Variants in TACR1 observed in about 807,000 individuals in gnomAD.
TACR1 encodes tachykinin receptor 1.
In TACR1, 25 loss-of-function variants were observed where a neutral mutation model predicts 35.8. That is an observed-to-expected ratio of 0.70 (90% confidence interval 0.51 to 0.98). The LOEUF (loss-of-function observed/expected upper bound fraction) is 0.98. TACR1 is among the 50% of genes least tolerant of loss of function. The probability of loss-of-function intolerance (pLI) is 0.00; values close to 1 mark genes in which losing one functional copy is unlikely to be tolerated. For synonymous variants in TACR1, 195 were observed against 206.7 expected (o/e 0.94, Z 0.48); for missense variants, 478 against 522.9 (o/e 0.91, Z 0.84).
At chr2:75,187,128 C>T (rs1675726979) in intron 1 of TACR1, 1 of 152,210 alleles carries the variant, frequency 6.6e-6, no homozygotes. Flanking sequence ...GCCCTGCTGC[C>T]CTTAACCCCA....
rs199793484 is a variant in TACR1, at chr2:75,120,634, G to C, written c.524C>G (p.Pro175Arg). The change falls in exon 2 of 5, where the codon CCC (proline) becomes CGC (arginine). Residue 175 changes from proline (P) to arginine (R), a missense_variant. Transcript: ENST00000305249. ...QGYYSTTETM[P>R]SRVVCMIEWP... ...TTCGATCATGCACACGACTCTGCTGGGCATGGTCTCTGTGGTTGAGTAGTA... is the reference window on the plus strand; with the variant it reads ...TTCGATCATGCACACGACTCTGCTGCGCATGGTCTCTGTGGTTGAGTAGTA... The C allele has an allele frequency of 6.2e-7, 1 of 1,613,960 alleles. No homozygotes were observed. Among genetic ancestry groups the C allele is most frequent in the Non-Finnish European group, 8.5e-7 (1 of 1,179,946 alleles).
At chr2:75,064,316 A>G (rs1672726679) in intron 2 of TACR1, among the ~76,000 whole-genome samples, 1 of 152,176 alleles carries the variant, frequency 6.6e-6, no homozygotes, top group Admixed American at 6.5e-5. Flanking sequence ...AACTGGGTAG[A>G]TACGTTAAGA....
intron 2 of TACR1, among the ~76,000 whole-genome samples, chr2:75,081,890 C>A (rs1393973562): frequency 6.6e-6 from 1 of 150,428 alleles, no homozygotes; most frequent in African/African-American, 2.5e-5. Context: ...AGGGAGAAAC[C>A]AACATTTCTT....
rs375756445 is a variant in TACR1, at chr2:75,198,979, C to T, written c.-45G>A. Reference sequence around the variant, plus strand: ...GCCCTACTATCTGTACACAACCCCCCTCTGCAGCAGAGTCCTGTGGCTGGC... The same window carrying T: ...GCCCTACTATCTGTACACAACCCCCTTCTGCAGCAGAGTCCTGTGGCTGGC... On this transcript the variant is annotated 5_prime_UTR_variant, in exon 1 of 5. Transcript: ENST00000305249. 6.3e-7 allele frequency: 1 copy of T among 1,589,668 alleles called. No individual in the cohort carries two copies. Among genetic ancestry groups the T allele is most frequent in the Non-Finnish European group, 8.6e-7 (1 of 1,166,672 alleles).
At chr2:75,153,914 C>G (rs1414809103) in intron 1 of TACR1, among the ~76,000 whole-genome samples, 1 of 152,162 alleles carries the variant, frequency 6.6e-6, no homozygotes, top group Non-Finnish European at 1.5e-5. Flanking sequence ...CCTGGAATCA[C>G]TGATGGTGGG....
At position 75,046,476 on chromosome 2, in the gene TACR1, A is replaced by G. The variant is rs1431617963; in HGVS notation, c.*2956T>C. Reference sequence around the variant, plus strand: ...AGAGGCACGAGAGAGTGAAACACATACTTTATTTCTGTATAAAGATTCTTT... The same window carrying G: ...AGAGGCACGAGAGAGTGAAACACATGCTTTATTTCTGTATAAAGATTCTTT... On this transcript the variant is annotated 3_prime_UTR_variant, in exon 5 of 5. Coordinates refer to ENST00000305249, the MANE Select transcript of TACR1 (RefSeq NM_001058.4). 6.6e-6 allele frequency: 1 copy of G among 152,188 alleles called. No homozygotes were observed. Among genetic ancestry groups the G allele is most frequent in the Non-Finnish European group, 1.5e-5 (1 of 68,036 alleles). The allele number at this position is 152,188 out of a possible 1,614,324, so 9.4% of individuals were successfully genotyped here. A position where few individuals can be genotyped will look rare whatever the true frequency, so the allele number is the denominator to read the frequency against.
At chr2:75,066,041 G>T (rs1005337919) in intron 2 of TACR1, among the ~76,000 whole-genome samples, 1 of 152,112 alleles carries the variant, frequency 6.6e-6, no homozygotes, top group Admixed American at 6.5e-5. Context: ...CTAACAACTG[G>T]CCAGGAACCT....
intron 2 of TACR1, among the ~76,000 whole-genome samples, chr2:75,070,159 A>G (rs1351422703): frequency 1.3e-5 from 2 of 151,278 alleles, no homozygotes; most frequent in Non-Finnish European, 2.9e-5. Flanking sequence ...TTTTGCTCTA[A>G]TTGCTTCAAC....
In TACR1 at chr2:75,051,311, A is replaced by C; in HGVS notation, c.872T>G (p.Met291Arg). ...CATGGTGGAGCTCATGGCCAGCCAC[A>C]TGATGGCCAGGTAGACCTGCTGGAT... ...KFIQQVYLAI[M>R]WLAMSSTMYN... is the part of the protein sequence containing the mutation. Residue 291 changes from methionine to arginine, a missense_variant, in exon 4 of 5, where the codon ATG (methionine) becomes AGG (arginine). Coordinates refer to ENST00000305249, the MANE Select transcript of TACR1 (RefSeq NM_001058.4). 1 of 1,614,238 alleles carries C rather than the reference A, an allele frequency of 6.2e-7. No homozygotes were observed. Among genetic ancestry groups the C allele is most frequent in the Non-Finnish European group, 8.5e-7 (1 of 1,180,038 alleles).
chr2:75,079,745 T>G (rs1255338645), intron 2 of TACR1, among the ~76,000 whole-genome samples: 20 of 151,146 alleles, frequency 1.3e-4, no homozygotes, highest in Admixed American at 9.9e-4. Context: ...CCTTTTTTTT[T>G]TTTTTTTTTT....
At position 75,198,979 on chromosome 2, in the gene TACR1, C is replaced by A; in HGVS notation, c.-45G>T. The A allele has an allele frequency of 1.3e-6, 2 of 1,589,668 alleles. No individual in the cohort carries two copies. Among genetic ancestry groups the A allele is most frequent in the South Asian group, 2.3e-5 (2 of 86,620 alleles). On this transcript the variant is annotated 5_prime_UTR_variant, in exon 1 of 5. The change creates a new upstream start codon in the 5' untranslated region. Transcript: ENST00000305249. ...GCCCTACTATCTGTACACAACCCCC[C>A]TCTGCAGCAGAGTCCTGTGGCTGGC...
chr2:75,139,749 GT>G, intron 1 of TACR1, among the ~76,000 whole-genome samples: 1 of 152,274 alleles, frequency 6.6e-6, no homozygotes, highest in South Asian at 2.1e-4. Context: ...GAGAGGCTCC[GT>G]TGGGGAGAAA....
intron 2 of TACR1, among the ~76,000 whole-genome samples, chr2:75,087,600 T>G (rs1673213114): frequency 6.6e-6 from 1 of 152,202 alleles, no homozygotes; most frequent in African/African-American, 2.4e-5. Context: ...CAGAAATCTG[T>G]GATTAAACGC....
intron 2 of TACR1, among the ~76,000 whole-genome samples, chr2:75,075,606 A>G (rs1053934389): frequency 6.6e-5 from 10 of 152,102 alleles, no homozygotes; most frequent in African/African-American, 2.4e-4. Flanking sequence ...TTAGGAAAAT[A>G]AGGCAGAATA....
chr2:75,079,585 C>T lies in TACR1; in HGVS notation c.585-25830G>A, dbSNP rs188483613. On this transcript the variant is annotated intron_variant, in intron 2 of 4. Transcript: ENST00000305249. ...TCCAGGCACCATGGACAATTTGTTGCCAAAAATACCTTGTGATTTTCTGCC... is the reference window on the plus strand; with the variant it reads ...TCCAGGCACCATGGACAATTTGTTGTCAAAAATACCTTGTGATTTTCTGCC... Among the ~76,000 whole-genome samples the T allele has an allele frequency of 1.6e-3, 244 of 152,246 alleles. 1 individual carries two copies. The highest frequency in any genetic ancestry group is 2.7e-3 in the Non-Finnish European group (186 of 68,008).
chr2:75,165,456 C>G (rs1399879413), intron 1 of TACR1, among the ~76,000 whole-genome samples: 1 of 152,038 alleles, frequency 6.6e-6, no homozygotes, highest in Non-Finnish European at 1.5e-5. Flanking sequence ...CTACAGGCAA[C>G]CGCCACCATG....
chr2:75,191,525 C>T (rs574271911), intron 1 of TACR1, among the ~76,000 whole-genome samples: 4 of 152,172 alleles, frequency 2.6e-5, no homozygotes, highest in Admixed American at 6.5e-5. Flanking sequence ...GAAGTCTTTT[C>T]CTGGGGCACA....
intron 2 of TACR1, among the ~76,000 whole-genome samples, chr2:75,072,312 A>G (rs1335368045): frequency 1.3e-5 from 2 of 152,218 alleles, no homozygotes; most frequent in Non-Finnish European, 2.9e-5. Flanking sequence ...AGCCACAAGA[A>G]GGCAGCTGAT....
intron 2 of TACR1, among the ~76,000 whole-genome samples, chr2:75,056,790 A>G (rs556622480): frequency 6.6e-6 from 1 of 152,354 alleles, no homozygotes; most frequent in East Asian, 1.9e-4. Flanking sequence ...TTATTTGAAA[A>G]CAACAAAAAA....
Sources: gnomAD v4.1 joint callset for allele counts (sites outside exome capture counted in the v4.1 genomes callset) on GRCh38, gnomAD v4.1.1 for gene constraint, MANE v1.5 for transcripts, NCBI Gene and HGNC (gene_info 2026-07-23, HGNC 2026-07-21) for gene names.